The following CHD7 variants were observed in gnomAD, a reference collection of about 807,000 sequenced individuals.
The protein encoded by CHD7 is chromodomain helicase DNA binding protein 7.
In CHD7, 24 loss-of-function variants were observed where a neutral mutation model predicts 307.3. The ratio of observed to expected loss-of-function variants is 0.08; its 90% CI spans 0.06 to 0.11. CHD7 has a LOEUF of 0.11. Among genes scored for constraint, CHD7 ranks in the 10% least tolerant of loss-of-function variants. The pLI is 1.00. For synonymous variants in CHD7, 1,363 were observed against 1,349.9 expected, an observed-to-expected ratio of 1.01 and a Z score of -0.21; for missense variants, 3,106 against 3,727.1, an observed-to-expected ratio of 0.83 and a Z score of 4.34.
intron 3 of CHD7, among the ~76,000 whole-genome samples, chr8:60,782,264 A>G (rs549191427): frequency 6.6e-6 from 1 of 152,272 alleles, no homozygotes; most frequent in African/African-American, 2.4e-5. Context: ...CTCCATTAGA[A>G]AACACGCCCA....
At chr8:60,762,456 A>G (rs556277738) in intron 2 of CHD7, among the ~76,000 whole-genome samples, 1 of 152,260 alleles carries the variant, frequency 6.6e-6, no homozygotes, top group Admixed American at 6.5e-5. Context: ...CGACTCTGTC[A>G]CTTAGTGAGC....
intron 1 of CHD7, among the ~76,000 whole-genome samples, chr8:60,680,133 T>TG (rs946669076): frequency 2.0e-5 from 3 of 150,450 alleles, no homozygotes; most frequent in African/African-American, 7.3e-5. Flanking sequence ...TCAGCGCCGG[T>TG]GGGGGGTGGT....
At chr8:60,813,551 G>T (rs1812909221) in intron 7 of CHD7, among the ~76,000 whole-genome samples, 1 of 152,112 alleles carries the variant, frequency 6.6e-6, no homozygotes, top group Non-Finnish European at 1.5e-5. Flanking sequence ...TCAAATATGT[G>T]TTAACAAAAT....
rs549378120 is a variant in CHD7, at chr8:60,681,019, G to A, written c.-175+1937G>A. Reference sequence around the variant, plus strand: ...TTTGCAGTGGGCGATACCTTTCTAAGGGGTTAAGTGTTATTTCACCCCAGT... The same window carrying A: ...TTTGCAGTGGGCGATACCTTTCTAAAGGGTTAAGTGTTATTTCACCCCAGT... On this transcript the variant is annotated intron_variant, in intron 1 of 37. Transcript: ENST00000423902. Among the ~76,000 whole-genome samples the A allele has an allele frequency of 2.6e-5, 4 of 151,916 alleles. No individual in the cohort carries two copies. The South Asian group carries it at 8.3e-4, about 32-fold the overall frequency.
At chr8:60,697,037 T>A (rs1357946179) in intron 1 of CHD7, among the ~76,000 whole-genome samples, 1 of 152,206 alleles carries the variant, frequency 6.6e-6, no homozygotes, top group Non-Finnish European at 1.5e-5. Flanking sequence ...TAATATTAAC[T>A]GCACATTTAG....
intron 1 of CHD7, among the ~76,000 whole-genome samples, chr8:60,717,738 C>T (rs1400801862): frequency 1.7e-5 from 1 of 59,466 alleles, no homozygotes; most frequent in South Asian, 1.5e-3. Context: ...CCATTGTCCA[C>T]TGACAATTGT....
chr8:60,721,961 G>A (rs1287051636), intron 1 of CHD7, among the ~76,000 whole-genome samples: 1 of 152,254 alleles, frequency 6.6e-6, no homozygotes, highest in African/African-American at 2.4e-5. Flanking sequence ...ATACAAAGTA[G>A]TTGGGTTGGG....
chr8:60,815,602 C>G (rs920430517), intron 7 of CHD7, among the ~76,000 whole-genome samples: 1 of 152,090 alleles, frequency 6.6e-6, no homozygotes, highest in Non-Finnish European at 1.5e-5. Flanking sequence ...AGGGAAGACA[C>G]CATGCATACT....
intron 1 of CHD7, among the ~76,000 whole-genome samples, chr8:60,682,532 A>G (rs766807941): frequency 1.3e-5 from 2 of 152,234 alleles, no homozygotes; most frequent in Non-Finnish European, 2.9e-5. Flanking sequence ...AGATTACAGC[A>G]TTGTATTCCA....
In CHD7 at chr8:60,686,890, G is replaced by C. The variant is rs542365403; in HGVS notation, c.-175+7808G>C. On this transcript the variant is annotated intron_variant, in intron 1 of 37. Coordinates refer to ENST00000423902, the MANE Select transcript of CHD7 (RefSeq NM_017780.4). ...CTACTTTAACTTTTTAGAGGCCACT[G>C]TGTCCTCTTTTCATCATTTTGAAAG... Among the ~76,000 whole-genome samples, 29 of 152,296 alleles carry C rather than the reference G, an allele frequency of 1.9e-4. No homozygotes were observed. In the East Asian group the frequency reaches 5.6e-3, roughly 29 times the overall value.
rs746789759 is a variant in CHD7, at chr8:60,860,958, A to G, written c.7663A>G (p.Arg2555Gly). ...AGAAGATATAGAGACCCCACCAACA[A>G]GAAACATTCCTTCTCCCGGACAGCT... ...FEEDIETPPT[R>G]NIPSPGQLDP... Residue 2555 changes from arginine (R) to glycine (G), a missense_variant, in exon 35 of 38, where the codon AGA becomes GGA. Around this residue, in one of 10 missense-constraint regions of CHD7, gnomAD observed 1,030 missense variants for 1,165.4 expected, o/e 0.88. Transcript: ENST00000423902. 2 of 1,614,044 alleles carry G rather than the reference A, an allele frequency of 1.2e-6. No individual in the cohort carries two copies. The highest frequency in any genetic ancestry group is 1.7e-6 in the Non-Finnish European group (2 of 1,179,892).
At chr8:60,698,446 A>G (rs761613998) in intron 1 of CHD7, among the ~76,000 whole-genome samples, 3 of 152,212 alleles carry the variant, frequency 2.0e-5, no homozygotes, top group Non-Finnish European at 4.4e-5. Context: ...TTTCTCAAAT[A>G]TATAATTAGA....
At chr8:60,845,204 A>C (rs1378498921) in intron 22 of CHD7, 46 bp from the exon 23 acceptor site, 1 of 1,584,744 alleles carries the variant, frequency 6.3e-7, no homozygotes. Flanking sequence ...TGACACTATA[A>C]TTGGAATGTA....
chr8:60,703,289 T>C (rs193162601), intron 1 of CHD7, among the ~76,000 whole-genome samples: 38 of 152,362 alleles, frequency 2.5e-4, no homozygotes, highest in Middle Eastern at 3.4e-3. Context: ...ACTGAAATTT[T>C]ATACACATTT....
chr8:60,806,940 G>T (rs1199206512), intron 6 of CHD7, among the ~76,000 whole-genome samples: 1 of 152,126 alleles, frequency 6.6e-6, no homozygotes, highest in Non-Finnish European at 1.5e-5. Context: ...CAGGAGGATT[G>T]CTTGAGCCTG....
chr8:60,801,486 G>C (rs915535467), intron 5 of CHD7, 42 bp from the exon 6 acceptor site: 15 of 1,420,932 alleles, frequency 1.1e-5, no homozygotes, highest in Non-Finnish European at 1.5e-5. Context: ...CTTAGGATGA[G>C]ATGTTTTCTA....
chr8:60,830,499 G>A lies in CHD7; in HGVS notation c.3700G>A (p.Gly1234Ser), dbSNP rs1401518138. The change falls in exon 15 of 38, where the codon GGT (glycine) becomes AGT (serine). Residue 1234 changes from glycine to serine, a missense_variant. This residue lies in a region of CHD7 where 232 missense variants were observed against 422.5 expected (regional missense o/e 0.55). Coordinates refer to ENST00000423902, the MANE Select transcript of CHD7 (RefSeq NM_017780.4). Reference sequence around the variant, plus strand: ...TTTCACATTTCTTTCCAAAGGCGGTGGTCAAGCTAACGTACCTAACCTATT... The same window carrying A: ...TTTCACATTTCTTTCCAAAGGCGGTAGTCAAGCTAACGTACCTAACCTATT... ...KNFTFLSKGG[G>S]QANVPNLLNT... 2 of 1,613,948 alleles carry A rather than the reference G, an allele frequency of 1.2e-6. No individual in the cohort carries two copies. The highest frequency in any genetic ancestry group is 3.3e-5 in the Admixed American group (2 of 60,022).
chr8:60,682,630 A>C (rs1192099214), intron 1 of CHD7, among the ~76,000 whole-genome samples: 1 of 152,242 alleles, frequency 6.6e-6, no homozygotes, highest in Non-Finnish European at 1.5e-5. Flanking sequence ...TCCATGGTTA[A>C]AACAATAAAA....
In CHD7 at chr8:60,824,394, T is replaced by G. The variant is rs1452264287; in HGVS notation, c.3378+378T>G. 7 of 288,066 alleles carry G rather than the reference T, an allele frequency of 2.4e-5. No homozygotes were observed. The East Asian group carries it at 4.2e-4, about 17-fold the overall frequency. The allele number at this position is 288,066 out of a possible 1,614,324, so 17.8% of individuals were successfully genotyped here. On this transcript the variant is annotated intron_variant, in intron 13 of 37. Transcript: ENST00000423902. ...AATGCTCATTGGAGCATTTTGGATTTTGGATTTTCTCATTTGGGATGTTCA... is the reference window on the plus strand; with the variant it reads ...AATGCTCATTGGAGCATTTTGGATTGTGGATTTTCTCATTTGGGATGTTCA...
Sources: gnomAD v4.1 joint callset for allele counts (sites outside exome capture counted in the v4.1 genomes callset) on GRCh38, gnomAD v4.1.1 for gene constraint, gnomAD v4.1.1 regional missense constraint, MANE v1.5 for transcripts, NCBI Gene and HGNC (gene_info 2026-07-23, HGNC 2026-07-21) for gene names.